Variants in GPHN observed in about 807,000 individuals in gnomAD.
GPHN encodes the protein gephyrin.
In GPHN, 17 loss-of-function variants were observed where a neutral mutation model predicts 95.5. That is an observed-to-expected ratio of 0.18 (90% CI 0.12 to 0.27). GPHN has a LOEUF of 0.27. Among genes scored for constraint, GPHN ranks in the 10% least tolerant of loss-of-function variants. The pLI is 1.00. For synonymous variants in GPHN, 320 were observed against 322.5 expected (o/e 0.99, Z 0.08); for missense variants, 660 against 978.1 (o/e 0.67, Z 4.34).
chr14:67,032,253 T>C (rs2074227357), intron 10 of GPHN, among the ~76,000 whole-genome samples: 1 of 152,150 alleles, frequency 6.6e-6, no homozygotes, highest in African/African-American at 2.4e-5. Context: ...GCCTTCTATC[T>C]CACTGCATTG....
At chr14:66,584,262 G>C (rs1267260412) in intron 1 of GPHN, among the ~76,000 whole-genome samples, 3 of 152,108 alleles carry the variant, frequency 2.0e-5, no homozygotes, top group Admixed American at 1.3e-4. Flanking sequence ...TGCTGAAGTT[G>C]CTTATCAGCT....
intron 5 of GPHN, 34 bp from the exon 6 acceptor site, chr14:66,915,969 A>C: frequency 1.6e-5 from 20 of 1,221,604 alleles, no homozygotes; most frequent in Non-Finnish European, 2.3e-5. Context: ...ATTCATAGCA[A>C]TTTAGTGTTC....
chr14:67,617,437 T>A, the GPHN span: 1 of 152,364 alleles, frequency 6.6e-6, no homozygotes, highest in African/African-American at 2.4e-5. Flanking sequence ...TCACTGGGAC[T>A]GGTCACATGA....
chr14:67,285,334 G>T, the GPHN span, among the ~76,000 whole-genome samples: 1 of 151,654 alleles, frequency 6.6e-6, no homozygotes, highest in Non-Finnish European at 1.5e-5. Context: ...AAAAATAAAT[G>T]ATGCCAATCC....
chr14:67,572,329 T>A, the GPHN span: 2 of 1,444,736 alleles, frequency 1.4e-6, no homozygotes, highest in Non-Finnish European at 1.8e-6. Flanking sequence ...CAGCAGAGGC[T>A]GCTGGGGCCC....
chr14:67,278,060 G>A, the GPHN span, among the ~76,000 whole-genome samples: 24 of 138,180 alleles, frequency 1.7e-4, no homozygotes, highest in African/African-American at 6.0e-4. Flanking sequence ...TTTTTGAGAT[G>A]GAGTCTCGCT....
the GPHN span, chr14:67,653,423 T>G: frequency 6.2e-7 from 1 of 1,612,686 alleles, no homozygotes; most frequent in Non-Finnish European, 8.5e-7. Context: ...TTTCATGACT[T>G]TAATAAAACT....
chr14:67,528,420 A>G, the GPHN span, among the ~76,000 whole-genome samples: 3 of 152,168 alleles, frequency 2.0e-5, no homozygotes, highest in Non-Finnish European at 4.4e-5. Context: ...GGGCTGTTGG[A>G]GAACCTGCCA....
intron 22 of GPHN, among the ~76,000 whole-genome samples, chr14:67,180,578 T>G (rs780539671): frequency 2.6e-4 from 39 of 152,310 alleles, no homozygotes; most frequent in Admixed American, 1.1e-3. Flanking sequence ...AATCCTGGTT[T>G]TACTCTTTCA....
the GPHN span, chr14:67,649,614 C>T: frequency 6.6e-6 from 1 of 152,144 alleles, no homozygotes; most frequent in Non-Finnish European, 1.5e-5. Context: ...AACACAGGTC[C>T]ATGTGCAGGA....
chr14:67,562,106 C>T, the GPHN span: 1 of 1,611,114 alleles, frequency 6.2e-7, no homozygotes, highest in South Asian at 1.1e-5. Flanking sequence ...TACGGGAGCT[C>T]TCAATGTGAC....
intron 8 of GPHN, among the ~76,000 whole-genome samples, chr14:66,953,554 G>A (rs1294940558): frequency 6.6e-6 from 1 of 152,192 alleles, no homozygotes; most frequent in African/African-American, 2.4e-5. Flanking sequence ...ATATGCAGTT[G>A]TTCTAGCATA....
chr14:66,743,237 C>T (rs910849107), intron 2 of GPHN, among the ~76,000 whole-genome samples: 2 of 151,074 alleles, frequency 1.3e-5, no homozygotes, highest in Non-Finnish European at 2.9e-5. Context: ...TTTAATCTTC[C>T]CCCCCACTTT....
rs377132585 is a variant in GPHN, at chr14:66,842,211, A to G, written c.294+17645A>G. Among the ~76,000 whole-genome samples the G allele has an allele frequency of 1.4e-4, 21 of 152,280 alleles. 1 individual carries two copies. The highest frequency in any genetic ancestry group is 1.0e-3 in the Admixed American group (16 of 15,298). On this transcript the variant is annotated intron_variant, in intron 4 of 22. Transcript: ENST00000478722. ...TCCATCACAATTGATGAGATCACCA[A>G]GATATTTACTGGTATTACTATTTGT...
At chr14:67,637,714 A>C in the GPHN span, among the ~76,000 whole-genome samples, 147,326 of 152,296 alleles carry the variant, frequency 0.97, 71,437 homozygotes, top group East Asian at 1. Flanking sequence ...TGATTCAGTT[A>C]TGTAATTAAC....
At position 66,589,886 on chromosome 14, in the gene GPHN, C is replaced by G. The variant is rs550884750; in HGVS notation, c.64+81295C>G. On this transcript the variant is annotated intron_variant, in intron 1 of 22. Transcript: ENST00000478722. ...AAACCAACAGAATATACATTCTTCT[C>G]AGCACCACATTTCACTTATTCTAAA... is the stretch of plus-strand genomic sequence containing the variant. Among the ~76,000 whole-genome samples the G allele has an allele frequency of 6.6e-5, 10 of 152,312 alleles. No homozygotes were observed. The East Asian group carries it at 1.5e-3, about 23-fold the overall frequency.
chr14:67,232,778 G>T, the GPHN span, among the ~76,000 whole-genome samples: 3 of 152,122 alleles, frequency 2.0e-5, no homozygotes, highest in Non-Finnish European at 4.4e-5. Flanking sequence ...TATGCGTGTT[G>T]CCAAACTGTT....
the GPHN span, among the ~76,000 whole-genome samples, chr14:67,597,290 CA>C: frequency 6.6e-6 from 1 of 152,138 alleles, no homozygotes; most frequent in Non-Finnish European, 1.5e-5. Context: ...CCAGCCTGGG[CA>C]ACCTAGTGAG....
chr14:67,699,664 T>G, the GPHN span, among the ~76,000 whole-genome samples: 1 of 150,464 alleles, frequency 6.6e-6, no homozygotes. Context: ...AATCTTCACC[T>G]TTTTAAAGCT....
Sources: gnomAD v4.1 joint callset for allele counts (sites outside exome capture counted in the v4.1 genomes callset) on GRCh38, gnomAD v4.1.1 for gene constraint, MANE v1.5 for transcripts, NCBI Gene and HGNC (gene_info 2026-07-23, HGNC 2026-07-21) for gene names.